CHRM3: variants seen among roughly 807,000 people sequenced by gnomAD.
CHRM3 encodes the protein cholinergic receptor muscarinic 3.
A neutral mutation model predicts 41.8 loss-of-function variants in CHRM3; 11 were observed. The ratio of observed to expected loss-of-function variants is 0.26; its 90% confidence interval spans 0.17 to 0.44. The LOEUF (loss-of-function observed/expected upper bound fraction) is 0.44. Ranked by LOEUF, CHRM3 falls within the 20% of genes least tolerant of loss-of-function variation. The pLI, the probability that CHRM3 is intolerant of heterozygous loss-of-function variation, is 1.00. For missense variants in CHRM3, 571 were observed against 745.4 expected, an observed-to-expected ratio of 0.77 and a Z score of 2.72; for synonymous variants, 297 against 301.4, an observed-to-expected ratio of 0.99 and a Z score of 0.15.
At chr1:239,654,589 G>A (rs1282778011) in intron 4 of CHRM3, among the ~76,000 whole-genome samples, 1 of 152,104 alleles carries the variant, frequency 6.6e-6, no homozygotes, top group Non-Finnish European at 1.5e-5. Context: ...AGTGGAGACG[G>A]GGTTTTACCA....
chr1:239,542,360 T>G (rs1409512718), intron 2 of CHRM3, among the ~76,000 whole-genome samples: 1 of 152,132 alleles, frequency 6.6e-6, no homozygotes, highest in East Asian at 1.9e-4. Context: ...TGTTATCTAC[T>G]CAGAGAAAAC....
rs181827792 is a variant in CHRM3, at chr1:239,780,229, C to T, written c.-146-47023C>T. On this transcript the variant is annotated intron_variant, in intron 5 of 6. Transcript: ENST00000676153. ...AAACAGTATTCCAAAGCATCAGTGC[C>T]ATTTTGCGTTCCTGTTGGCAATAAA... is the stretch of plus-strand genomic sequence containing the variant. Among the ~76,000 whole-genome samples the T allele has an allele frequency of 4.4e-4, 67 of 152,242 alleles. 1 individual carries two copies. The highest frequency in any genetic ancestry group is 8.5e-4 in the Admixed American group (13 of 15,288).
intron 6 of CHRM3, among the ~76,000 whole-genome samples, chr1:239,864,728 C>A (rs1048854025): frequency 6.6e-6 from 1 of 152,112 alleles, no homozygotes; most frequent in East Asian, 1.9e-4. Flanking sequence ...GTGCTGCAAC[C>A]AACCAGACAA....
At chr1:239,689,121 A>G (rs1659462778) in intron 5 of CHRM3, among the ~76,000 whole-genome samples, 5 of 151,972 alleles carry the variant, frequency 3.3e-5, no homozygotes, top group South Asian at 4.1e-4. Flanking sequence ...TTCTAATACA[A>G]TACTACTACA....
At chr1:239,533,649 G>A (rs533781507) in intron 2 of CHRM3, among the ~76,000 whole-genome samples, 133 of 148,640 alleles carry the variant, frequency 8.9e-4, no homozygotes, top group African/African-American at 3.2e-3. Context: ...GAGAATTGCT[G>A]GAACCCAGGA....
chr1:239,545,994 AG>A (rs1163351173), intron 3 of CHRM3: 2 of 152,166 alleles, frequency 1.3e-5, no homozygotes, highest in Admixed American at 1.3e-4. Flanking sequence ...AGAATTTAGA[AG>A]TATAGCATCT....
At chr1:239,721,606 A>C (rs1477347989) in intron 5 of CHRM3, among the ~76,000 whole-genome samples, 1 of 151,978 alleles carries the variant, frequency 6.6e-6, no homozygotes, top group African/African-American at 2.4e-5. Context: ...GCCCTCCTAA[A>C]GGATTGAAAA....
intron 4 of CHRM3, among the ~76,000 whole-genome samples, chr1:239,643,482 C>T (rs539944188): frequency 1.1e-4 from 17 of 152,316 alleles, no homozygotes; most frequent in Admixed American, 2.0e-4. Flanking sequence ...GTGGGCGCCC[C>T]TCCCCCAGCC....
intron 4 of CHRM3, among the ~76,000 whole-genome samples, chr1:239,652,160 A>G (rs1409908262): frequency 6.6e-6 from 1 of 152,072 alleles, no homozygotes; most frequent in African/African-American, 2.4e-5. Flanking sequence ...GCCGGTGTAT[A>G]CCTTAAAATA....
chr1:239,749,026 G>A (rs1018941802), intron 5 of CHRM3, among the ~76,000 whole-genome samples: 6 of 152,134 alleles, frequency 3.9e-5, no homozygotes, highest in Admixed American at 6.5e-5. Flanking sequence ...GGTCTGAGCC[G>A]TACGGTCACC....
intron 6 of CHRM3, among the ~76,000 whole-genome samples, chr1:239,856,477 C>T (rs1675130140): frequency 6.6e-6 from 1 of 152,060 alleles, no homozygotes; most frequent in Admixed American, 6.6e-5. Flanking sequence ...TGTTTGCTTC[C>T]CTTTCGTCTT....
chr1:239,618,721 G>A (rs1472896401), intron 3 of CHRM3, among the ~76,000 whole-genome samples: 2 of 150,026 alleles, frequency 1.3e-5, no homozygotes, highest in African/African-American at 4.9e-5. Flanking sequence ...GCAGCCACCT[G>A]TAGTCCCAGC....
At chr1:239,388,948 C>G (rs1322813748) in intron 1 of CHRM3, among the ~76,000 whole-genome samples, 1 of 152,176 alleles carries the variant, frequency 6.6e-6, no homozygotes, top group Non-Finnish European at 1.5e-5. Context: ...GGAAATATAA[C>G]GTTCGCTTAA....
intron 6 of CHRM3, among the ~76,000 whole-genome samples, chr1:239,852,328 T>TCTAG (rs1163590821): frequency 6.6e-6 from 1 of 152,190 alleles, no homozygotes; most frequent in Non-Finnish European, 1.5e-5. Flanking sequence ...GTGAGCTTGG[T>TCTAG]CTAGTCATTG....
At chr1:239,864,838 G>C (rs1375491892) in intron 6 of CHRM3, among the ~76,000 whole-genome samples, 1 of 152,142 alleles carries the variant, frequency 6.6e-6, no homozygotes, top group Non-Finnish European at 1.5e-5. Flanking sequence ...TATTGAGTTA[G>C]GAGAAGACTA....
intron 1 of CHRM3, among the ~76,000 whole-genome samples, chr1:239,440,186 A>C: frequency 6.8e-6 from 1 of 146,606 alleles, no homozygotes; most frequent in South Asian, 2.3e-4. Context: ...TGACAGAGTG[A>C]GACTCTGTCT....
rs12075788 is a variant in CHRM3 at position 239,895,122 on chromosome 1, G to A, written c.-19-12311G>A. Reference sequence around the variant, plus strand: ...ACATTTGAAGAGATGATGTGTTTACGGAGAACTCACCTCTTTTTCTCTGCA... The same window carrying A: ...ACATTTGAAGAGATGATGTGTTTACAGAGAACTCACCTCTTTTTCTCTGCA... On this transcript the variant is annotated intron_variant, in intron 6 of 6. Coordinates refer to ENST00000676153, the MANE Select transcript of CHRM3 (RefSeq NM_001375978.1). 3.9e-3 allele frequency among the ~76,000 whole-genome samples: 600 copies of A among 152,308 alleles called. 5 individuals carry two copies. The highest frequency in any genetic ancestry group is 0.014 in the African/African-American group (564 of 41,556).
intron 5 of CHRM3, among the ~76,000 whole-genome samples, chr1:239,734,749 C>T (rs927067347): frequency 3.3e-5 from 5 of 152,030 alleles, no homozygotes; most frequent in African/African-American, 1.2e-4. Context: ...CTTTTACCAA[C>T]ATATACTGAT....
At chr1:239,543,457 C>A (rs1658975579) in intron 2 of CHRM3, among the ~76,000 whole-genome samples, 1 of 152,120 alleles carries the variant, frequency 6.6e-6, no homozygotes, top group Non-Finnish European at 1.5e-5. Context: ...ATATAATCTC[C>A]TCCAAATCAA....
Sources: allele counts gnomAD v4.1 joint callset (sites outside exome capture counted in the v4.1 genomes callset), GRCh38; gene constraint gnomAD v4.1.1; transcripts MANE v1.5; gene names NCBI Gene and HGNC (gene_info 2026-07-23, HGNC 2026-07-21).